TMEM232: variants seen among roughly 807,000 people sequenced by gnomAD.
TMEM232 encodes transmembrane protein 232.
TMEM232 carries 80 observed loss-of-function variants against 78.8 expected under a neutral mutation model. The observed-to-expected ratio is 1.01, with a 90% CI of 0.85 to 1.22. The LOEUF (loss-of-function observed/expected upper bound fraction) is 1.22, where lower values mean the gene tolerates loss of function less well. Among genes scored for constraint, TMEM232 ranks in the 50% most tolerant of loss-of-function variants. The probability of loss-of-function intolerance (pLI) is 0.00; values close to 1 mark genes in which losing one functional copy is unlikely to be tolerated. For missense variants in TMEM232, 881 were observed against 742.2 expected (o/e 1.19, Z -2.17); for synonymous variants, 297 against 254.3 (o/e 1.17, Z -1.60).
chr5:110,544,728 A>T (rs1369372707), intron 11 of TMEM232, among the ~76,000 whole-genome samples: 1 of 151,946 alleles, frequency 6.6e-6, no homozygotes, highest in Non-Finnish European at 1.5e-5. Context: ...TCAAAATTTA[A>T]GTGACTCAAA....
At chr5:110,496,363 A>G (rs894455185) in intron 12 of TMEM232, among the ~76,000 whole-genome samples, 2 of 152,052 alleles carry the variant, frequency 1.3e-5, no homozygotes, top group Non-Finnish European at 2.9e-5. Context: ...GCTCATGAAC[A>G]CTATTACTCA....
chr5:110,700,825 GATAT>G (rs35717828), intron 1 of TMEM232, among the ~76,000 whole-genome samples: 4 of 149,976 alleles, frequency 2.7e-5, no homozygotes, highest in African/African-American at 9.8e-5. Flanking sequence ...TAGATAGATA[GATAT>G]AATAGAGAAC....
intron 1 of TMEM232, among the ~76,000 whole-genome samples, chr5:110,669,351 C>A (rs1004611132): frequency 2.5e-4 from 38 of 152,184 alleles, no homozygotes; most frequent in Admixed American, 2.0e-3. Flanking sequence ...ACTATAAACA[C>A]CTCTATGCAA....
chr5:110,565,625 G>A (rs751361248), intron 11 of TMEM232, among the ~76,000 whole-genome samples: 29 of 151,998 alleles, frequency 1.9e-4, no homozygotes, highest in Non-Finnish European at 3.2e-4. Flanking sequence ...GAATTTAAAC[G>A]GAATTATTTT....
chr5:110,616,912 C>A (rs1003755397), intron 8 of TMEM232, among the ~76,000 whole-genome samples: 3 of 152,128 alleles, frequency 2.0e-5, no homozygotes, highest in African/African-American at 7.2e-5. Context: ...TATGATCTAA[C>A]AATCCCACTT....
At chr5:110,392,740 G>A (rs1331219850) in intron 3 of TMEM232, among the ~76,000 whole-genome samples, 2 of 152,128 alleles carry the variant, frequency 1.3e-5, no homozygotes, top group Admixed American at 6.5e-5. Flanking sequence ...CCACCATATT[G>A]TGGGTTAGGG....
intron 1 of TMEM232, among the ~76,000 whole-genome samples, chr5:110,717,359 T>C (rs1341326386): frequency 6.6e-6 from 1 of 152,156 alleles, no homozygotes; most frequent in African/African-American, 2.4e-5. Flanking sequence ...CGCCATTTAC[T>C]CTGTTGCTAA....
intron 1 of TMEM232, among the ~76,000 whole-genome samples, chr5:110,709,113 CA>C (rs1561549661): frequency 6.6e-6 from 1 of 151,894 alleles, no homozygotes. Flanking sequence ...GAGTTCAAGA[CA>C]AAAACCATAA....
At chr5:110,589,901 T>C (rs552834643) in intron 10 of TMEM232, among the ~76,000 whole-genome samples, 15 of 152,304 alleles carry the variant, frequency 9.8e-5, no homozygotes, top group African/African-American at 2.6e-4. Flanking sequence ...CATTCCCTCA[T>C]AGTTTTTCAG....
chr5:110,415,190 C>CTT (rs11382588), downstream of TMEM232, among the ~76,000 whole-genome samples: 36 of 142,300 alleles, frequency 2.5e-4, no homozygotes, highest in African/African-American at 6.0e-4. Flanking sequence ...TTCTCTCCAA[C>CTT]TTTTTTTTTT....
At chr5:110,712,100 A>T (rs248865) in intron 1 of TMEM232, among the ~76,000 whole-genome samples, 2 of 131,740 alleles carry the variant, frequency 1.5e-5, no homozygotes, top group Non-Finnish European at 3.2e-5. Context: ...AGCGAGACTC[A>T]ATCTCAAAAA....
At chr5:110,390,480 C>G (rs545190136) in exon 4 of TMEM232, 1 of 152,254 alleles carries the variant, frequency 6.6e-6, no homozygotes, top group South Asian at 2.1e-4. Flanking sequence ...TGAGCTGAGT[C>G]CAACACATCA....
At chr5:110,520,513 A>G (rs899438683) in intron 12 of TMEM232, among the ~76,000 whole-genome samples, 1 of 152,250 alleles carries the variant, frequency 6.6e-6, no homozygotes, top group Non-Finnish European at 1.5e-5. Context: ...TTCTAGATCA[A>G]TCATTAACAA....
chr5:110,467,219 G>T lies in TMEM232; in HGVS notation c.1704-42303C>A, dbSNP rs756125155. ...GACTGGATAAAAAAGGTTTTCAAAG[G>T]AACAGAACCATAGAGAGGTAGGCTA... On this transcript the variant is annotated intron_variant, in intron 12 of 13. Transcript: ENST00000455884. 5.3e-5 allele frequency among the ~76,000 whole-genome samples: 8 copies of T among 152,230 alleles called. No homozygotes were observed. The South Asian group carries it at 1.7e-3, about 32-fold the overall frequency.
At chr5:110,667,154 T>A (rs1790700142) in intron 2 of TMEM232, 74 bp downstream of exon 2, 1 of 1,266,872 alleles carries the variant, frequency 7.9e-7, no homozygotes, top group Admixed American at 3.4e-5. Context: ...ATGGGTGAAT[T>A]TTTTTTTTCA....
At chr5:110,569,328 T>A (rs1776676752) in intron 10 of TMEM232, among the ~76,000 whole-genome samples, 1 of 151,914 alleles carries the variant, frequency 6.6e-6, no homozygotes, top group Admixed American at 6.6e-5. Context: ...TTACTCTTTA[T>A]AGTAATTATT....
chr5:110,423,912 A>G (rs777058504), intron 13 of TMEM232, among the ~76,000 whole-genome samples: 65 of 152,248 alleles, frequency 4.3e-4, no homozygotes, highest in Admixed American at 1.8e-3. Flanking sequence ...GTTGAAATTT[A>G]TAAACCATTT....
At chr5:110,514,808 C>A (rs1266764931) in intron 12 of TMEM232, among the ~76,000 whole-genome samples, 1 of 152,234 alleles carries the variant, frequency 6.6e-6, no homozygotes, top group Non-Finnish European at 1.5e-5. Context: ...TATTTAAACT[C>A]TCTCTATATG....
At chr5:110,708,170 G>C (rs1258866086) in intron 1 of TMEM232, among the ~76,000 whole-genome samples, 1 of 152,180 alleles carries the variant, frequency 6.6e-6, no homozygotes, top group Non-Finnish European at 1.5e-5. Context: ...TTGCACTTTA[G>C]GTCCCAGCTT....
Sources: allele counts gnomAD v4.1 joint callset (sites outside exome capture counted in the v4.1 genomes callset), GRCh38; gene constraint gnomAD v4.1.1; transcripts MANE v1.5; gene names NCBI Gene and HGNC (gene_info 2026-07-23, HGNC 2026-07-21).